Variants in ELMOD3 observed in about 807,000 individuals in gnomAD.
ELMOD3 encodes ELMO domain containing 3, also known as ELMO domain-containing protein 3.
In ELMOD3, 36 loss-of-function variants were observed where a neutral mutation model predicts 47.4. The observed-to-expected ratio is 0.76, with a 90% CI of 0.58 to 1.00. The LOEUF (loss-of-function observed/expected upper bound fraction) is 1.00, where lower values mean the gene tolerates loss of function less well. ELMOD3 is among the 50% of genes least tolerant of loss of function. The probability of loss-of-function intolerance (pLI) is 0.00; values close to 1 mark genes in which losing one functional copy is unlikely to be tolerated. For synonymous variants in ELMOD3, 149 were observed against 183.5 expected (o/e 0.81, Z 1.52); for missense variants, 404 against 463.8 (o/e 0.87, Z 1.18).
Position 85,357,086 on chromosome 2 carries a change from C to T in ELMOD3, c.-113C>T, listed in dbSNP as rs1023493736. 1.4e-6 allele frequency: 1 copy of T among 703,870 alleles called. No homozygotes were observed. Among genetic ancestry groups the T allele is most frequent in the East Asian group, 2.7e-5 (1 of 36,612 alleles). The allele number at this position is 703,870 out of a possible 1,614,324, so 43.6% of individuals were successfully genotyped here. A position where few individuals can be genotyped will look rare whatever the true frequency, so the allele number is the denominator to read the frequency against. On this transcript the variant is annotated 5_prime_UTR_variant, in exon 4 of 14. It introduces an in-frame stop codon into an upstream open reading frame of the 5' UTR. Transcript: ENST00000409013. ...TAGTCTGAGTGACTGCCAAGGAAGGCAAAGGTAGAGCAACTGGATCTCTGG... is the reference window on the plus strand; with the variant it reads ...TAGTCTGAGTGACTGCCAAGGAAGGTAAAGGTAGAGCAACTGGATCTCTGG...
At position 85,357,490 on chromosome 2, in the gene ELMOD3, C is replaced by A. The variant is rs146167002; in HGVS notation, c.54+238C>A. On this transcript the variant is annotated intron_variant, in intron 4 of 13. Transcript: ENST00000409013. Reference sequence around the variant, plus strand: ...TTTGCTTGGGTAGTGGGGAGAATTTCATTGAGGAATCACCCAAGAAATCTG... The same window carrying A: ...TTTGCTTGGGTAGTGGGGAGAATTTAATTGAGGAATCACCCAAGAAATCTG... 979 of 367,116 alleles carry A rather than the reference C, an allele frequency of 2.7e-3. 3 individuals carry two copies. The highest frequency in any genetic ancestry group is 0.014 in the African/African-American group (634 of 46,934). The allele number at this position is 367,116 out of a possible 1,614,324, so 22.7% of individuals were successfully genotyped here.
intron 13 of ELMOD3, 183 bp from the exon 14 acceptor site, chr2:85,390,577 C>T: frequency 6.5e-7 from 1 of 1,544,974 alleles, no homozygotes; most frequent in Non-Finnish European, 8.7e-7. Flanking sequence ...TGTGTGGTCC[C>T]TGTGGCTGTA....
Position 85,386,421 on chromosome 2 carries a change from C to G in ELMOD3, c.739-3330C>G, listed in dbSNP as rs1426594948. ...TTTTTTTTTGAGATGGAGTCTCGCT[C>G]TGTTGCCAGGCTAGAATGCATGGCA... On this transcript the variant is annotated intron_variant, in intron 11 of 13. Transcript: ENST00000409013. Among the ~76,000 whole-genome samples the G allele has an allele frequency of 4.4e-5, 5 of 114,628 alleles. No homozygotes were observed. The Admixed American group carries it at 6.5e-4, about 15-fold the overall frequency. 75.2% of individuals were successfully genotyped at this position (114,628 alleles called of 152,430 possible).
Position 85,356,956 on chromosome 2 carries a change from C to A in ELMOD3, c.-232-11C>A. ...TTTTCTTTTTCAATTTCTTTTTTTT[C>A]TTTTGTGCAGAGCTGAGGCTTCGAA... On this transcript the variant is annotated splice_polypyrimidine_tract_variant and intron_variant, in intron 3 of 13. Transcript: ENST00000409013. 3.0e-6 allele frequency: 1 copy of A among 338,824 alleles called. No individual in the cohort carries two copies. The highest frequency in any genetic ancestry group is 5.3e-6 in the Non-Finnish European group (1 of 189,430). 21.0% of individuals were successfully genotyped at this position (338,824 alleles called of 1,614,324 possible).
intron 4 of ELMOD3, among the ~76,000 whole-genome samples, chr2:85,359,922 G>A (rs1295761562): frequency 6.6e-6 from 1 of 151,452 alleles, no homozygotes; most frequent in African/African-American, 2.4e-5. Context: ...TAGACCCCAT[G>A]GCTACATGGG....
chr2:85,390,054 G>A, intron 12 of ELMOD3, 84 bp from the exon 13 acceptor site: 1 of 1,402,928 alleles, frequency 7.1e-7, no homozygotes, highest in South Asian at 1.2e-5. Context: ...GCTCCCCTGG[G>A]GAAATGGGGA....
rs75956808 is a variant in ELMOD3, at chr2:85,377,442, G to A, written c.706G>A (p.Glu236Lys). 2.5e-4 allele frequency: 406 copies of A among 1,609,722 alleles called. 1 individual carries two copies. The East Asian group carries it at 4.9e-3, about 19-fold the overall frequency. ...MDSKTLPMAQ[E>K]IFRLSRHHIQ... is the part of the protein sequence containing the mutation. ...CTCAAAGACCTTGCCGATGGCGCAG[G>A]AGATTTTCCGCCTGTCTCGTCACCA... The change falls in exon 11 of 14, where the codon GAG becomes AAG. Residue 236 changes from glutamate (E) to lysine (K), a missense_variant. Coordinates refer to ENST00000409013, the MANE Select transcript of ELMOD3 (RefSeq NM_001135022.2).
At chr2:85,373,967 T>G (rs1209387732) in intron 10 of ELMOD3, among the ~76,000 whole-genome samples, 2 of 150,526 alleles carry the variant, frequency 1.3e-5, no homozygotes, top group Non-Finnish European at 3.0e-5. Flanking sequence ...TTAGTTATTC[T>G]CTTAGGATAG....
rs771060620 is a variant in ELMOD3 at position 85,371,113 on chromosome 2, A to G, written c.388A>G (p.Thr130Ala). 1 of 1,614,216 alleles carries G rather than the reference A, an allele frequency of 6.2e-7. No homozygotes were observed. Among genetic ancestry groups the G allele is most frequent in the South Asian group, 1.1e-5 (1 of 91,090 alleles). The change falls in exon 9 of 14, where the codon ACT becomes GCT. Residue 130 changes from threonine (T) to alanine (A), a missense_variant. By Grantham distance (58) the Thr-to-Ala change is moderately conservative (BLOSUM62 0). Coordinates refer to ENST00000409013, the MANE Select transcript of ELMOD3 (RefSeq NM_001135022.2). ...KKRIQPTIRR[T>A]GLAALRHYLF... ...AAGAATCCAGCCAACTATTCGAAGG[A>G]CTGGGCTCGCCGCCCTCCGACACTA...
At position 85,354,811 on chromosome 2, in the gene ELMOD3, T is replaced by G. The variant is rs1683429204; in HGVS notation, c.-390T>G. On this transcript the variant is annotated 5_prime_UTR_variant, in exon 1 of 14. Transcript: ENST00000409013. ...AGCCGAGGCGGCGGGACCCCCAAGT[T>G]TGGAAAGCTCTTTTAACGGTGAGAA... 2 of 294,826 alleles carry G rather than the reference T, an allele frequency of 6.8e-6. No individual in the cohort carries two copies. The highest frequency in any genetic ancestry group is 1.1e-4 in the South Asian group (2 of 17,456). The allele number at this position is 294,826 out of a possible 1,614,324, so 18.3% of individuals were successfully genotyped here.
chr2:85,366,581 C>T (rs1684402785), intron 6 of ELMOD3, among the ~76,000 whole-genome samples: 1 of 152,198 alleles, frequency 6.6e-6, no homozygotes, highest in South Asian at 2.1e-4. Flanking sequence ...TAGAATTACC[C>T]CATCCTCACA....
At chr2:85,366,988 G>A (rs1264773252) in intron 6 of ELMOD3, among the ~76,000 whole-genome samples, 1 of 152,218 alleles carries the variant, frequency 6.6e-6, no homozygotes, top group Non-Finnish European at 1.5e-5. Context: ...CTAGCAGTTT[G>A]AGCCAGAGAA....
At position 85,371,537 on chromosome 2, in the gene ELMOD3, C is replaced by A. The variant is rs148943018; in HGVS notation, c.582C>A (p.Asn194Lys). ...GSKFDCALHG[N>K]HWEDLGFQGA... ...AGTTTGACTGTGCCCTTCATGGAAACCACTGGGAGGACCTGGGCTTTCAGG... is the reference window on the plus strand; with the variant it reads ...AGTTTGACTGTGCCCTTCATGGAAAACACTGGGAGGACCTGGGCTTTCAGG... The change falls in exon 10 of 14, where the codon AAC (asparagine) becomes AAA (lysine). Residue 194 changes from asparagine to lysine, a missense_variant. By Grantham distance (94) the Asn-to-Lys change is moderately conservative (BLOSUM62 0). Transcript: ENST00000409013. 6.2e-7 allele frequency: 1 copy of A among 1,614,072 alleles called. No homozygotes were observed. Among genetic ancestry groups the A allele is most frequent in the Non-Finnish European group, 8.5e-7 (1 of 1,180,040 alleles).
rs1047138994 is a variant in ELMOD3, at chr2:85,387,052, G to T, written c.739-2699G>T. Reference sequence around the variant, plus strand: ...GATGAACACTAAGTTCAGGTCCTCTGTTAATAATGTTGTTACCATACTGTT... The same window carrying T: ...GATGAACACTAAGTTCAGGTCCTCTTTTAATAATGTTGTTACCATACTGTT... On this transcript the variant is annotated intron_variant, in intron 11 of 13. Transcript: ENST00000409013. The T allele has an allele frequency of 7.0e-6, 9 of 1,288,920 alleles. No homozygotes were observed. In the African/African-American group the frequency reaches 1.4e-4, roughly 20 times the overall value. 79.8% of individuals were successfully genotyped at this position (1,288,920 alleles called of 1,614,324 possible).
chr2:85,361,213 G>A (rs1468128728), intron 4 of ELMOD3, among the ~76,000 whole-genome samples: 2 of 151,334 alleles, frequency 1.3e-5, no homozygotes, highest in African/African-American at 2.4e-5. Flanking sequence ...TCGGTTTTTT[G>A]TTTTTCATCT....
intron 13 of ELMOD3, chr2:85,390,526 G>A (rs2104760488): frequency 1.9e-6 from 3 of 1,590,184 alleles, no homozygotes; most frequent in East Asian, 4.5e-5. Flanking sequence ...GGGTCCAATA[G>A]TTGGACTATT....
Position 85,357,241 on chromosome 2 carries a change from A to G in ELMOD3, c.43A>G (p.Arg15Gly), listed in dbSNP as rs141769671. ...CTCTTTCCATAGTAAAGAAGAATTA[A>G]GAGATGGACAGGTAAGCATGCACTC... Reference protein sequence around the residue: ...SCSFHSKEELRDGQGERLSAG... With the variant: ...SCSFHSKEELGDGQGERLSAG... Residue 15 changes from arginine to glycine, a missense_variant, in exon 4 of 14, where the codon AGA becomes GGA. Physicochemically the swap from Arg to Gly is moderately radical, Grantham distance 125. Coordinates refer to ENST00000409013, the MANE Select transcript of ELMOD3 (RefSeq NM_001135022.2). 10 of 1,603,002 alleles carry G rather than the reference A, an allele frequency of 6.2e-6. No individual in the cohort carries two copies. Among genetic ancestry groups the G allele is most frequent in the Non-Finnish European group, 8.5e-6 (10 of 1,171,674 alleles).
chr2:85,390,404 C>G lies in ELMOD3; in HGVS notation c.943+139C>G, dbSNP rs1478127452. On this transcript the variant is annotated intron_variant, in intron 13 of 13. Transcript: ENST00000409013. ...CTCAAATTCCAGCTTACCAAAATCTCCATCACCCACCCCCTGGAGTCTGCT... is the reference window on the plus strand; with the variant it reads ...CTCAAATTCCAGCTTACCAAAATCTGCATCACCCACCCCCTGGAGTCTGCT... 3 of 1,614,072 alleles carry G rather than the reference C, an allele frequency of 1.9e-6. No homozygotes were observed. In the Admixed American group the frequency reaches 5.0e-5, roughly 27 times the overall value.
At chr2:85,363,927 C>T (rs757927049) in intron 6 of ELMOD3, among the ~76,000 whole-genome samples, 9 of 152,056 alleles carry the variant, frequency 5.9e-5, no homozygotes, top group Admixed American at 1.3e-4. Context: ...GAGATTTAGG[C>T]GGGGACACAG....
Sources: allele counts gnomAD v4.1 joint callset (sites outside exome capture counted in the v4.1 genomes callset), GRCh38; gene constraint gnomAD v4.1.1; transcripts MANE v1.5; gene names NCBI Gene and HGNC (gene_info 2026-07-23, HGNC 2026-07-21).